Variants in MCTP1 observed in about 807,000 individuals in gnomAD.
MCTP1 encodes the protein multiple C2 and transmembrane domain containing 1, also known as multiple C2 and transmembrane domain-containing protein 1.
Under a neutral mutation model 120.6 loss-of-function variants are expected in MCTP1, and 69 were observed. The ratio of observed to expected loss-of-function variants is 0.57; its 90% CI spans 0.47 to 0.70. The LOEUF (loss-of-function observed/expected upper bound fraction) is 0.70, where lower values mean the gene tolerates loss of function less well. MCTP1 is among the 30% of genes least tolerant of loss of function. The pLI, the probability that MCTP1 is intolerant of heterozygous loss-of-function variation, is 0.00. For synonymous variants in MCTP1, 529 were observed against 493.1 expected (o/e 1.07, Z -0.96); for missense variants, 1,203 against 1,248.8 (o/e 0.96, Z 0.55).
intron 1 of MCTP1, among the ~76,000 whole-genome samples, chr5:95,213,131 A>C (rs1582551198): frequency 1.3e-5 from 2 of 152,280 alleles, no homozygotes; most frequent in Admixed American, 1.3e-4. Flanking sequence ...TCTCAGCCCA[A>C]AATCTCCTTA....
chr5:94,781,516 T>C (rs1411531003), intron 18 of MCTP1, among the ~76,000 whole-genome samples: 2 of 152,144 alleles, frequency 1.3e-5, no homozygotes, highest in East Asian at 1.9e-4. Context: ...ATGATGCAGA[T>C]TTATAAAAGC....
chr5:95,041,847 A>T (rs1240468585), intron 1 of MCTP1, among the ~76,000 whole-genome samples: 3 of 152,220 alleles, frequency 2.0e-5, no homozygotes, highest in African/African-American at 7.2e-5. Flanking sequence ...TATTCCAAAG[A>T]TTAACATACA....
At chr5:94,809,381 T>TAACCCAGAGCCCA (rs1279215327) in intron 17 of MCTP1, among the ~76,000 whole-genome samples, 3 of 152,064 alleles carry the variant, frequency 2.0e-5, no homozygotes, top group Non-Finnish European at 4.4e-5. Flanking sequence ...ATGTCCAACT[T>TAACCCAGAGCCCA]GAGCATCACA....
At chr5:94,743,793 A>G (rs1280515342) in intron 19 of MCTP1, among the ~76,000 whole-genome samples, 2 of 151,802 alleles carry the variant, frequency 1.3e-5, no homozygotes, top group Non-Finnish European at 2.9e-5. Flanking sequence ...ACCTGCCACC[A>G]CACCCGGCTA....
intron 1 of MCTP1, among the ~76,000 whole-genome samples, chr5:95,240,388 C>A (rs180895748): frequency 6.6e-6 from 1 of 152,268 alleles, no homozygotes; most frequent in African/African-American, 2.4e-5. Context: ...GGTGTTCACA[C>A]GCAAGTTCAG....
chr5:94,915,968 C>A (rs1581337417), intron 8 of MCTP1, among the ~76,000 whole-genome samples: 1 of 151,952 alleles, frequency 6.6e-6, no homozygotes, highest in South Asian at 2.1e-4. Context: ...AAAAACAGGG[C>A]TAATGGGTGT....
intron 2 of MCTP1, among the ~76,000 whole-genome samples, chr5:94,974,195 A>G (rs995227031): frequency 8.5e-5 from 13 of 152,176 alleles, no homozygotes; most frequent in African/African-American, 3.1e-4. Flanking sequence ...CATATGTGGA[A>G]TGATTTATTT....
At chr5:95,275,500 C>T (rs538627569) in intron 1 of MCTP1, among the ~76,000 whole-genome samples, 67 of 152,108 alleles carry the variant, frequency 4.4e-4, no homozygotes, top group Admixed American at 1.0e-3. Context: ...GTTTGAAATC[C>T]CTGCTTTAGA....
intron 1 of MCTP1, among the ~76,000 whole-genome samples, chr5:95,095,479 G>A (rs1756188694): frequency 6.6e-6 from 1 of 152,184 alleles, no homozygotes; most frequent in Non-Finnish European, 1.5e-5. Flanking sequence ...AGATCACAGG[G>A]TAAAGAACAG....
chr5:95,203,323 C>T (rs1243731335), intron 1 of MCTP1, among the ~76,000 whole-genome samples: 1 of 152,090 alleles, frequency 6.6e-6, no homozygotes, highest in Non-Finnish European at 1.5e-5. Flanking sequence ...AATTGTTGAC[C>T]CCAAAAGACA....
At chr5:95,088,589 G>C (rs188837289) in intron 1 of MCTP1, among the ~76,000 whole-genome samples, 1 of 152,156 alleles carries the variant, frequency 6.6e-6, no homozygotes, top group Admixed American at 6.5e-5. Flanking sequence ...TATGTACCCA[G>C]CTAACAAGTA....
At chr5:95,042,370 T>A (rs1482911832) in intron 1 of MCTP1, among the ~76,000 whole-genome samples, 1 of 152,162 alleles carries the variant, frequency 6.6e-6, no homozygotes, top group African/African-American at 2.4e-5. Flanking sequence ...GCAATAAACA[T>A]GCTACCAGAA....
intron 1 of MCTP1, among the ~76,000 whole-genome samples, chr5:95,019,019 C>T (rs1445658579): frequency 6.6e-6 from 1 of 152,008 alleles, no homozygotes. Context: ...TTTCAGTTTT[C>T]ACTAGTTTTA....
intron 1 of MCTP1, among the ~76,000 whole-genome samples, chr5:95,039,003 GT>G (rs5869668): frequency 0.1 from 15,008 of 147,852 alleles, 1,069 homozygotes; most frequent in East Asian, 0.37. Context: ...GGTTCTGGTA[GT>G]TTTTTTTTTT....
intron 1 of MCTP1, among the ~76,000 whole-genome samples, chr5:95,115,022 A>G (rs565454434): frequency 3.3e-5 from 5 of 152,316 alleles, no homozygotes; most frequent in South Asian, 2.1e-4. Context: ...ATCCAAGACC[A>G]TCAAGGAGGT....
At position 95,252,389 on chromosome 5, in the gene MCTP1, T is replaced by C. The variant is rs182840290; in HGVS notation, c.720+31467A>G. 3.9e-5 allele frequency among the ~76,000 whole-genome samples: 6 copies of C among 152,250 alleles called. No individual in the cohort carries two copies. The East Asian group carries it at 1.2e-3, about 29-fold the overall frequency. ...GCATTTCAAAAAGATGGTTCTCTGT[T>C]CTCTGATCCTTGAGAAAGACATTCC... On this transcript the variant is annotated intron_variant, in intron 1 of 22. Transcript: ENST00000515393.
At chr5:95,275,472 TGGGCATTG>T (rs1253192538) in intron 1 of MCTP1, among the ~76,000 whole-genome samples, 1 of 152,184 alleles carries the variant, frequency 6.6e-6, no homozygotes. Flanking sequence ...GTGGCCCCTG[TGGGCATTG>T]GAGTTTGGAG....
chr5:94,953,213 G>C lies in MCTP1; in HGVS notation c.981+6C>G. ...TCTATCAGGAAAAAACAAATAAATG[G>C]CTCACCTTTATATACAATGGCTCCC... On this transcript the variant is annotated splice_donor_region_variant and intron_variant, in intron 3 of 22. Coordinates refer to ENST00000515393, the MANE Select transcript of MCTP1 (RefSeq NM_024717.7). The C allele has an allele frequency of 1.9e-6, 3 of 1,585,336 alleles. No homozygotes were observed. Among genetic ancestry groups the C allele is most frequent in the Non-Finnish European group, 2.6e-6 (3 of 1,168,276 alleles).
intron 1 of MCTP1, among the ~76,000 whole-genome samples, chr5:95,076,578 GT>G (rs1753632603): frequency 6.6e-6 from 1 of 152,086 alleles, no homozygotes; most frequent in Non-Finnish European, 1.5e-5. Context: ...TGGAGTTAAG[GT>G]TTCCAGTGGG....
Sources: gnomAD v4.1 joint callset for allele counts (sites outside exome capture counted in the v4.1 genomes callset) on GRCh38, gnomAD v4.1.1 for gene constraint, MANE v1.5 for transcripts, NCBI Gene and HGNC (gene_info 2026-07-23, HGNC 2026-07-21) for gene names.